The following CCDC102B variants were observed in gnomAD, a reference collection of about 807,000 sequenced individuals.
CCDC102B encodes the protein coiled-coil domain-containing protein 102B.
In CCDC102B, 75 loss-of-function variants were observed where a neutral mutation model predicts 57.4. The ratio of observed to expected loss-of-function variants is 1.31; its 90% CI spans 1.08 to 1.58. The LOEUF is 1.58. CCDC102B is among the 40% of genes most tolerant of loss of function. The pLI, the probability that CCDC102B is intolerant of heterozygous loss-of-function variation, is 0.00. For synonymous variants in CCDC102B, 206 were observed against 201.9 expected, an observed-to-expected ratio of 1.02 and a Z score of -0.17; for missense variants, 636 against 582.6, an observed-to-expected ratio of 1.09 and a Z score of -0.94.
At chr18:69,045,295 T>C in intron 7 of CCDC102B, among the ~76,000 whole-genome samples, 1 of 152,006 alleles carries the variant, frequency 6.6e-6, no homozygotes, top group East Asian at 1.9e-4. Context: ...ATGATTATGA[T>C]AAAATGAATA....
intron 1 of CCDC102B, among the ~76,000 whole-genome samples, chr18:68,825,599 A>C (rs1382233706): frequency 6.6e-6 from 1 of 152,142 alleles, no homozygotes; most frequent in Admixed American, 6.6e-5. Flanking sequence ...CTGAGGCAGG[A>C]GAATCACTTG....
chr18:69,031,572 TA>T (rs1180507853), intron 7 of CCDC102B, among the ~76,000 whole-genome samples: 1 of 152,132 alleles, frequency 6.6e-6, no homozygotes, highest in African/African-American at 2.4e-5. Flanking sequence ...TTTAATCAAT[TA>T]AACACAATTA....
intron 2 of CCDC102B, among the ~76,000 whole-genome samples, chr18:68,760,871 G>A (rs1252500638): frequency 6.6e-6 from 1 of 152,056 alleles, no homozygotes; most frequent in East Asian, 1.9e-4. Context: ...ATAGCTAGAT[G>A]GCAGGGTTTG....
intron 4 of CCDC102B, among the ~76,000 whole-genome samples, chr18:68,858,426 G>A (rs946816974): frequency 6.6e-6 from 1 of 151,864 alleles, no homozygotes; most frequent in South Asian, 2.1e-4. Flanking sequence ...ATCTCTTCAG[G>A]TTTCTACTTT....
chr18:68,903,037 G>A (rs981631326), intron 6 of CCDC102B, among the ~76,000 whole-genome samples: 1 of 152,148 alleles, frequency 6.6e-6, no homozygotes, highest in African/African-American at 2.4e-5. Flanking sequence ...AATAATTTGT[G>A]TGCATCGTCG....
intron 2 of CCDC102B, among the ~76,000 whole-genome samples, chr18:68,781,980 A>G (rs2035021679): frequency 6.6e-6 from 1 of 152,128 alleles, no homozygotes; most frequent in African/African-American, 2.4e-5. Flanking sequence ...TACTTTTATT[A>G]TAGCTATATT....
At chr18:69,035,367 G>A (rs1421006821) in intron 7 of CCDC102B, among the ~76,000 whole-genome samples, 1 of 152,018 alleles carries the variant, frequency 6.6e-6, no homozygotes, top group Non-Finnish European at 1.5e-5. Context: ...AATGGTTTTT[G>A]TTGGAAAAAT....
chr18:69,043,722 G>A (rs1196071469), intron 7 of CCDC102B, among the ~76,000 whole-genome samples: 2 of 152,122 alleles, frequency 1.3e-5, no homozygotes, highest in Non-Finnish European at 2.9e-5. Flanking sequence ...TCTCAAGGCA[G>A]AAGAATTTTT....
chr18:68,837,879 C>A (rs148803115), intron 2 of CCDC102B, among the ~76,000 whole-genome samples: 1 of 152,018 alleles, frequency 6.6e-6, no homozygotes, highest in Non-Finnish European at 1.5e-5. Flanking sequence ...TATTGCTTGT[C>A]AAAATATTAT....
At chr18:68,808,644 A>G (rs2036128436) in intron 1 of CCDC102B, among the ~76,000 whole-genome samples, 1 of 151,360 alleles carries the variant, frequency 6.6e-6, no homozygotes, top group Non-Finnish European at 1.5e-5. Context: ...CGCCCGGATA[A>G]TTTTTTTGTA....
chr18:68,771,346 G>T (rs575921331), intron 2 of CCDC102B, among the ~76,000 whole-genome samples: 1 of 152,286 alleles, frequency 6.6e-6, no homozygotes, highest in African/African-American at 2.4e-5. Flanking sequence ...AAGATAAGAA[G>T]CTGTAAGAGG....
At chr18:68,818,346 A>G (rs2036569262) in intron 1 of CCDC102B, among the ~76,000 whole-genome samples, 1 of 152,214 alleles carries the variant, frequency 6.6e-6, no homozygotes, top group South Asian at 2.1e-4. Context: ...GTATTTGTAA[A>G]GACAGTACTT....
intron 1 of CCDC102B, among the ~76,000 whole-genome samples, chr18:68,807,475 G>A (rs12455854): frequency 0.064 from 9,750 of 152,044 alleles, 821 homozygotes; most frequent in African/African-American, 0.2. Context: ...GAATTACTTG[G>A]GAAAGAGTTG....
chr18:68,727,514 A>G (rs889510021), intron 2 of CCDC102B, among the ~76,000 whole-genome samples: 1 of 152,234 alleles, frequency 6.6e-6, no homozygotes, highest in Non-Finnish European at 1.5e-5. Flanking sequence ...AAGTAACTTC[A>G]CAGAAGCAGT....
intron 6 of CCDC102B, among the ~76,000 whole-genome samples, chr18:68,927,949 T>A (rs1479880588): frequency 2.0e-5 from 3 of 151,882 alleles, no homozygotes; most frequent in African/African-American, 7.2e-5. Context: ...TGGGTCTGAT[T>A]TGAAGCACAC....
chr18:69,010,986 C>T lies in CCDC102B; in HGVS notation c.1316C>T (p.Ala439Val). ...TATAAACTAAACAGACAATACCAGG[C>T]AAATATTGCAGAACTGACTCATGCA... ...AYYKLNRQYQ[A>V]NIAELTHANN... The change falls in exon 7 of 8, where the codon GCA (alanine) becomes GTA (valine). Residue 439 changes from alanine (A) to valine (V), a missense_variant. Transcript: ENST00000360242. The T allele has an allele frequency of 2.5e-6, 4 of 1,613,222 alleles. No homozygotes were observed. The highest frequency in any genetic ancestry group is 3.4e-6 in the Non-Finnish European group (4 of 1,179,512).
intron 2 of CCDC102B, among the ~76,000 whole-genome samples, chr18:68,755,436 C>T (rs983795143): frequency 7.9e-5 from 12 of 152,034 alleles, no homozygotes; most frequent in Non-Finnish European, 8.8e-5. Context: ...AAATTCCATG[C>T]TTCAAAAGAA....
At chr18:69,016,543 C>T (rs1180790085) in intron 7 of CCDC102B, among the ~76,000 whole-genome samples, 2 of 152,152 alleles carry the variant, frequency 1.3e-5, no homozygotes, top group African/African-American at 2.4e-5. Flanking sequence ...GCCATGATAA[C>T]GTGTTACCTT....
chr18:68,897,161 A>T (rs1390567813), intron 5 of CCDC102B, 58 bp from the exon 6 acceptor site: 5 of 1,366,630 alleles, frequency 3.7e-6, no homozygotes, highest in Non-Finnish European at 5.1e-6. Flanking sequence ...TGTGGGTGGC[A>T]TTATCTTTTG....
Sources: allele counts gnomAD v4.1 joint callset (sites outside exome capture counted in the v4.1 genomes callset), GRCh38; gene constraint gnomAD v4.1.1; transcripts MANE v1.5; gene names NCBI Gene and HGNC (gene_info 2026-07-23, HGNC 2026-07-21).